The following PHRF1 variants were observed in gnomAD, a reference collection of about 807,000 sequenced individuals.
PHRF1 encodes the protein PHD and RING finger domain-containing protein 1.
PHRF1 carries 53 observed loss-of-function variants against 128.9 expected under a neutral mutation model. The ratio of observed to expected loss-of-function variants is 0.41; its 90% CI spans 0.33 to 0.52. The LOEUF (loss-of-function observed/expected upper bound fraction) is 0.52. Ranked by LOEUF, PHRF1 falls within the 20% of genes least tolerant of loss-of-function variation. The probability of loss-of-function intolerance (pLI) is 0.21; values close to 1 mark genes in which losing one functional copy is unlikely to be tolerated. For missense variants in PHRF1, 2,503 were observed against 2,284.5 expected, an observed-to-expected ratio of 1.10 and a Z score of -1.95; for synonymous variants, 1,178 against 980.6, an observed-to-expected ratio of 1.20 and a Z score of -3.76.
intron 5 of PHRF1, among the ~76,000 whole-genome samples, chr11:592,277 C>T (rs1855016823): frequency 6.6e-6 from 1 of 151,818 alleles, no homozygotes; most frequent in Non-Finnish European, 1.5e-5. Context: ...CACCTGCTGC[C>T]TCGCCCTACT....
rs1364723026 is a variant in PHRF1 at position 601,211 on chromosome 11, G to A, written c.1025-363G>A. The stretch of plus-strand genomic sequence containing the variant: ...TGTAATCCTAGCTCTTTAGGAGGCT[G>A]AGGCAGGAGGATCGCTTGAGCCCAG... On this transcript the variant is annotated intron_variant, in intron 9 of 17. Transcript: ENST00000264555. 4.6e-5 allele frequency among the ~76,000 whole-genome samples: 7 copies of A among 152,236 alleles called. No homozygotes were observed. The East Asian group carries it at 1.4e-3, about 29-fold the overall frequency.
rs1470693277 is a variant in PHRF1, at chr11:597,518, G to T, written c.842G>T (p.Arg281Ile). Residue 281 changes from arginine (R) to isoleucine (I), a missense_variant, in exon 8 of 18, where the codon AGA (arginine) becomes ATA (isoleucine). Physicochemically the swap from Arg to Ile is moderately conservative, Grantham distance 97. Transcript: ENST00000264555. The surrounding 1 kb of genome is among the most constrained non-coding windows in gnomAD (Gnocchi z 6.5). ...RAIARTRQSE[R>I]VRATVNRNRI... ...ATAGCCAGGACACGGCAGAGTGAGA[G>T]AGTGAGAGCAACCGTGAACCGGAAC... 1 of 1,612,604 alleles carries T rather than the reference G, an allele frequency of 6.2e-7. No homozygotes were observed. Among genetic ancestry groups the T allele is most frequent in the East Asian group, 2.2e-5 (1 of 44,872 alleles).
chr11:601,487 G>C (rs1016299622), intron 9 of PHRF1, 87 bp from the exon 10 acceptor site: 22 of 1,560,758 alleles, frequency 1.4e-5, no homozygotes, highest in Admixed American at 1.0e-4. Context: ...CCGGCTCCTT[G>C]GGCTCCGTCC....
intron 6 of PHRF1, among the ~76,000 whole-genome samples, chr11:596,452 A>T (rs1427886737): frequency 6.6e-6 from 1 of 152,202 alleles, no homozygotes; most frequent in African/African-American, 2.4e-5. Context: ...AGGGGGCCCC[A>T]CAGGCAGCAC....
intron 3 of PHRF1, among the ~76,000 whole-genome samples, chr11:584,892 C>T (rs1854436416): frequency 2.0e-5 from 3 of 152,092 alleles, no homozygotes; most frequent in Non-Finnish European, 2.9e-5. Context: ...CGCGCACCAC[C>T]ATGCCTGGGT....
chr11:606,408 C>A, intron 12 of PHRF1, 34 bp from the exon 13 acceptor site: 2 of 1,518,310 alleles, frequency 1.3e-6, no homozygotes, highest in South Asian at 1.2e-5. Flanking sequence ...CCGTGGGAGG[C>A]AGTGACGGCA....
At chr11:577,974 G>C (rs545865527) in intron 1 of PHRF1, among the ~76,000 whole-genome samples, 2 of 152,264 alleles carry the variant, frequency 1.3e-5, no homozygotes, top group Non-Finnish European at 2.9e-5. Context: ...CTCCACCCCA[G>C]AGCTCTGCTA....
chr11:606,729 C>T (rs1045666844), intron 13 of PHRF1, 133 bp downstream of exon 13: 13 of 1,293,284 alleles, frequency 1.0e-5, no homozygotes, highest in Non-Finnish European at 1.3e-5. Flanking sequence ...AGCCATTTTT[C>T]TGCATTGATT....
intron 6 of PHRF1, among the ~76,000 whole-genome samples, chr11:594,774 C>T (rs1855184575): frequency 6.6e-6 from 1 of 152,184 alleles, no homozygotes; most frequent in African/African-American, 2.4e-5. Flanking sequence ...GTTGTAGTAC[C>T]TTCTAACAAG....
At chr11:610,478 C>T (rs772955094) in intron 15 of PHRF1, 23 bp from the exon 16 acceptor site, 3 of 1,593,904 alleles carry the variant, frequency 1.9e-6, no homozygotes, top group African/African-American at 2.7e-5. Context: ...GGGCCCAGTG[C>T]TCAGCAGGGG....
chr11:584,999 A>G (rs189455806), intron 3 of PHRF1, among the ~76,000 whole-genome samples: 40 of 152,174 alleles, frequency 2.6e-4, no homozygotes, highest in East Asian at 1.2e-3. Context: ...TGGCCTCCCA[A>G]AGTGCTGGGA....
intron 3 of PHRF1, among the ~76,000 whole-genome samples, chr11:585,120 G>C (rs576674377): frequency 1.6e-4 from 24 of 152,318 alleles, no homozygotes; most frequent in African/African-American, 5.5e-4. Context: ...TATTCCACGA[G>C]CAACACCCAC....
chr11:593,227 C>A (rs1855087378), intron 6 of PHRF1, among the ~76,000 whole-genome samples: 1 of 152,256 alleles, frequency 6.6e-6, no homozygotes, highest in Non-Finnish European at 1.5e-5. Context: ...ATGCCCCCTT[C>A]CCCGTTAGCC....
chr11:581,709 T>A, intron 2 of PHRF1, 103 bp downstream of exon 2: 1 of 1,177,448 alleles, frequency 8.5e-7, no homozygotes, highest in Non-Finnish European at 1.2e-6. Context: ...ACTTTCAGTC[T>A]AAAAAAATTA....
intron 6 of PHRF1, among the ~76,000 whole-genome samples, chr11:593,651 G>A (rs929193194): frequency 1.3e-5 from 2 of 152,214 alleles, no homozygotes; most frequent in African/African-American, 4.8e-5. Context: ...GGGCCTCCTT[G>A]GGGGTCCTGC....
At chr11:604,831 A>G (rs1161693832) in intron 10 of PHRF1, among the ~76,000 whole-genome samples, 3 of 152,180 alleles carry the variant, frequency 2.0e-5, no homozygotes, top group Non-Finnish European at 4.4e-5. Context: ...CATCAGTTGA[A>G]TTTTTTGTTT....
At chr11:583,103 G>C (rs879374495) in intron 3 of PHRF1, among the ~76,000 whole-genome samples, 2 of 151,642 alleles carry the variant, frequency 1.3e-5, no homozygotes, top group Non-Finnish European at 2.9e-5. Context: ...CACTTTGGGA[G>C]GCCGAGGCGG....
intron 10 of PHRF1, among the ~76,000 whole-genome samples, chr11:602,750 G>GTTTTGT (rs1197899069): frequency 1.4e-5 from 2 of 142,460 alleles, no homozygotes; most frequent in African/African-American, 3.0e-5. Flanking sequence ...ATCTTTTTTG[G>GTTTTGT]TTTTGTTTTT....
At position 596,923 on chromosome 11, in the gene PHRF1, G is replaced by A. The variant is rs1361998275; in HGVS notation, c.621G>A (p.Gly207=). 3.1e-6 allele frequency: 5 copies of A among 1,613,548 alleles called. No individual in the cohort carries two copies. In the South Asian group the frequency reaches 4.4e-5, roughly 14 times the overall value. Residue 207 remains glycine (G), a splice_region_variant and synonymous_variant, in exon 7 of 18, where the codon GGG becomes GGA. Coordinates refer to ENST00000264555, the MANE Select transcript of PHRF1 (RefSeq NM_001286581.2). ...RLLLCDGCDA[G]YHMECLDPPL... ...GCTTTGGCCCTGCTCTCTCCTGTAG[G>A]TACCACATGGAATGCTTGGACCCCC...
Sources: gnomAD v4.1 joint callset for allele counts (sites outside exome capture counted in the v4.1 genomes callset) on GRCh38, gnomAD v4.1.1 for gene constraint, Gnocchi (gnomAD v3.1) non-coding constraint, MANE v1.5 for transcripts, NCBI Gene and HGNC (gene_info 2026-07-23, HGNC 2026-07-21) for gene names.